DNAH8: variants seen among roughly 807,000 people sequenced by gnomAD.
The protein encoded by DNAH8 is axonemal beta dynein heavy chain 8.
DNAH8 carries 382 observed loss-of-function variants against 562.1 expected under a neutral mutation model. The observed-to-expected ratio is 0.68, with a 90% confidence interval of 0.63 to 0.74. The LOEUF (loss-of-function observed/expected upper bound fraction) is 0.74. Ranked by LOEUF, DNAH8 falls within the 30% of genes least tolerant of loss-of-function variation. The pLI is 0.00. For synonymous variants in DNAH8, 1,881 were observed against 1,919.4 expected, an observed-to-expected ratio of 0.98 and a Z score of 0.52; for missense variants, 5,203 against 5,620.4, an observed-to-expected ratio of 0.93 and a Z score of 2.37.
rs757379846 is a variant in DNAH8 at position 38,741,871 on chromosome 6, A to G, written c.1277A>G (p.His426Arg). Residue 426 changes from histidine (H) to arginine (R), a missense_variant, in exon 8 of 93, where the codon CAC becomes CGC. By Grantham distance (29) the His-to-Arg change is conservative. Transcript: ENST00000327475. ...GTCATAAATGTGCTAAATGTTGCACACTCCAAACTGCTAAAGGTAAAAGGC... is the reference window on the plus strand; with the variant it reads ...GTCATAAATGTGCTAAATGTTGCACGCTCCAAACTGCTAAAGGTAAAAGGC... ...KAVINVLNVA[H>R]SKLLKNWRDL... is the part of the protein sequence containing the mutation. The G allele has an allele frequency of 6.2e-7, 1 of 1,610,488 alleles. No individual in the cohort carries two copies. Among genetic ancestry groups the G allele is most frequent in the Non-Finnish European group, 8.5e-7 (1 of 1,179,016 alleles).
At chr6:38,944,968 T>TTAACCC (rs113455471) in intron 79 of DNAH8, among the ~76,000 whole-genome samples, 1,983 of 150,546 alleles carry the variant, frequency 0.013, 23 homozygotes, top group African/African-American at 0.02. Context: ...AACCCCAACC[T>TTAACCC]TAACCCTAAC....
intron 1 of DNAH8, among the ~76,000 whole-genome samples, chr6:38,715,950 A>ATTT (rs70981580): frequency 4.2e-4 from 13 of 31,228 alleles, no homozygotes; most frequent in African/African-American, 2.4e-3. Flanking sequence ...ATATATATAT[A>ATTT]TATATATATA....
At chr6:38,765,182 G>A (rs1239628265) in intron 11 of DNAH8, among the ~76,000 whole-genome samples, 1 of 152,126 alleles carries the variant, frequency 6.6e-6, no homozygotes, top group Non-Finnish European at 1.5e-5. Flanking sequence ...TTCCTATTGA[G>A]TTGTTTGAGT....
At chr6:38,861,949 G>GTTTTTTT (rs10677373) in intron 43 of DNAH8, among the ~76,000 whole-genome samples, 48,222 of 133,068 alleles carry the variant, frequency 0.36, 9,431 homozygotes, top group East Asian at 0.63. Context: ...TGAAAACCAG[G>GTTTTTTT]TTTTTTTTTT....
At chr6:38,762,953 C>A in intron 11 of DNAH8, 1 of 319,882 alleles carries the variant, frequency 3.1e-6, no homozygotes, top group South Asian at 2.9e-5. Flanking sequence ...AACAGTTGAT[C>A]CCAAGGACTG....
At chr6:38,962,487 C>G (rs1048037365) in intron 82 of DNAH8, among the ~76,000 whole-genome samples, 6 of 151,976 alleles carry the variant, frequency 3.9e-5, no homozygotes, top group African/African-American at 1.5e-4. Context: ...CTTGTATGTA[C>G]AATAGCTTAA....
intron 1 of DNAH8, among the ~76,000 whole-genome samples, chr6:38,720,765 C>T (rs1215681724): frequency 2.0e-5 from 3 of 151,934 alleles, no homozygotes; most frequent in South Asian, 2.1e-4. Flanking sequence ...GTGACTAACC[C>T]TAATAAGAAG....
chr6:38,739,839 T>C (rs180726089), intron 7 of DNAH8, among the ~76,000 whole-genome samples: 11 of 152,312 alleles, frequency 7.2e-5, no homozygotes, highest in Admixed American at 5.9e-4. Flanking sequence ...AATGTTACCA[T>C]TTTATTTTTA....
intron 46 of DNAH8, 35 bp from the exon 47 acceptor site, chr6:38,866,734 T>A: frequency 6.3e-7 from 1 of 1,595,286 alleles, no homozygotes. Flanking sequence ...TGTTTTTCAC[T>A]AAAGTTGAAA....
At chr6:38,979,787 G>A (rs1462914689) in intron 85 of DNAH8, among the ~76,000 whole-genome samples, 1 of 152,148 alleles carries the variant, frequency 6.6e-6, no homozygotes, top group Non-Finnish European at 1.5e-5. Context: ...AATTTGAGCA[G>A]CTTTAGTAAT....
In DNAH8 at chr6:38,938,894, A is replaced by G. The variant is rs149690655; in HGVS notation, c.11913A>G (p.Glu3971=). 2.0e-5 allele frequency: 33 copies of G among 1,613,810 alleles called. No homozygotes were observed. The African/African-American group carries it at 4.1e-4, about 20-fold the overall frequency. The stretch of plus-strand genomic sequence containing the variant: ...CATACTCTGTCAGAGGCCTATACGA[A>G]AACCACAAATTCCTGTTTGTACTCC... The part of the protein sequence containing the change: ...VFTYSVRGLY[E]NHKFLFVLLM... Residue 3971 remains glutamate (E), a synonymous_variant, in exon 79 of 93, where the codon GAA becomes GAG. Coordinates refer to ENST00000327475, the MANE Select transcript of DNAH8 (RefSeq NM_001206927.2).
intron 21 of DNAH8, among the ~76,000 whole-genome samples, chr6:38,793,985 CTT>C (rs1208454370): frequency 6.6e-6 from 1 of 152,098 alleles, no homozygotes; most frequent in African/African-American, 2.4e-5. Context: ...GAACCTGTTT[CTT>C]TTTATTTATT....
chr6:38,939,251 C>T (rs960111860), intron 79 of DNAH8, among the ~76,000 whole-genome samples: 1 of 152,044 alleles, frequency 6.6e-6, no homozygotes, highest in Non-Finnish European at 1.5e-5. Flanking sequence ...TCACTGCTGC[C>T]CATGCCAGGA....
chr6:38,811,075 A>T (rs1015048439), intron 24 of DNAH8, among the ~76,000 whole-genome samples: 1 of 151,838 alleles, frequency 6.6e-6, no homozygotes, highest in African/African-American at 2.4e-5. Context: ...CCCCGTGTGG[A>T]TTTGTCTTTA....
At chr6:38,966,703 A>G (rs1260627986) in intron 82 of DNAH8, among the ~76,000 whole-genome samples, 3 of 152,344 alleles carry the variant, frequency 2.0e-5, no homozygotes, top group East Asian at 1.9e-4. Context: ...GTAATATACC[A>G]TATTAATAGA....
At position 38,906,253 on chromosome 6, in the gene DNAH8, G is replaced by A; in HGVS notation, c.9195-1G>A. The A allele has an allele frequency of 6.4e-7, 1 of 1,565,162 alleles. No homozygotes were observed. The highest frequency in any genetic ancestry group is 8.7e-7 in the Non-Finnish European group (1 of 1,149,552). ...AAACTTTCTATCATTTTTCTTCTTA[G>A]GTCTTACAATGTGACTAATCTAACA... On this transcript the variant is annotated splice_acceptor_variant, in intron 62 of 92. Coordinates refer to ENST00000327475, the MANE Select transcript of DNAH8 (RefSeq NM_001206927.2). LOFTEE classifies it high-confidence loss of function.
Position 38,866,685 on chromosome 6 carries a change from C to T in DNAH8, c.6585+8C>T, listed in dbSNP as rs1299286059. ...ATGGTTCCTGATAGACAGGTATGCA[C>T]TAGGATTTAAAAGCATAATGTGCTT... is the stretch of plus-strand genomic sequence containing the variant. On this transcript the variant is annotated splice_region_variant and intron_variant, in intron 46 of 92. Transcript: ENST00000327475. The T allele has an allele frequency of 6.2e-7, 1 of 1,609,374 alleles. No individual in the cohort carries two copies. The highest frequency in any genetic ancestry group is 8.5e-7 in the Non-Finnish European group (1 of 1,177,186).
chr6:38,866,618 C>A lies in DNAH8; in HGVS notation c.6526C>A (p.Leu2176Ile). Residue 2176 changes from leucine (L) to isoleucine (I), a missense_variant, in exon 46 of 93, where the codon CTA becomes ATA. Around this residue, in one of 6 missense-constraint regions of DNAH8, gnomAD observed 2,176 missense variants for 2,365.1 expected, o/e 0.92. Coordinates refer to ENST00000327475, the MANE Select transcript of DNAH8 (RefSeq NM_001206927.2). Reference sequence around the variant, plus strand: ...CCCTGGATATGCTGGGCGCCAGGAACTACCAGAAAACCTAAAAATCCAGTT... The same window carrying A: ...CCCTGGATATGCTGGGCGCCAGGAAATACCAGAAAACCTAAAAATCCAGTT... The part of the protein sequence containing the change: ...MNPGYAGRQE[L>I]PENLKIQFRT... The A allele has an allele frequency of 6.2e-7, 1 of 1,612,034 alleles. No homozygotes were observed. The highest frequency in any genetic ancestry group is 8.5e-7 in the Non-Finnish European group (1 of 1,179,356).
intron 53 of DNAH8, among the ~76,000 whole-genome samples, chr6:38,877,764 T>C (rs989491547): frequency 3.9e-5 from 6 of 152,220 alleles, no homozygotes; most frequent in East Asian, 3.8e-4. Flanking sequence ...AGGAGACTTA[T>C]GCTTCCAGCG....
Sources: allele counts gnomAD v4.1 joint callset (sites outside exome capture counted in the v4.1 genomes callset), GRCh38; gene constraint gnomAD v4.1.1; regional missense constraint gnomAD v4.1.1; transcripts MANE v1.5; gene names NCBI Gene and HGNC (gene_info 2026-07-23, HGNC 2026-07-21).